TMEM108: variants seen among roughly 807,000 people sequenced by gnomAD.
The protein encoded by TMEM108 is cancer/testis antigen 124.
A neutral mutation model predicts 35.1 loss-of-function variants in TMEM108; 12 were observed. The ratio of observed to expected loss-of-function variants is 0.34; its 90% CI spans 0.22 to 0.55. The LOEUF is 0.55. Ranked by LOEUF, TMEM108 falls within the 20% of genes least tolerant of loss-of-function variation. The pLI, the probability that TMEM108 is intolerant of heterozygous loss-of-function variation, is 0.89. For synonymous variants in TMEM108, 287 were observed against 308.6 expected (o/e 0.93, Z 0.73); for missense variants, 680 against 753.3 (o/e 0.90, Z 1.14).
Position 133,279,565 on chromosome 3 carries a change from GT to G in TMEM108, c.40+50216del, listed in dbSNP as rs547420805. ...TTGCTCTACTTCGGGCCATCCCTTG[GT>G]TGGCTAAGGCAGACCCCTCAAAGGC... On this transcript the variant is annotated intron_variant, in intron 3 of 5. Transcript: ENST00000321871. 2.5e-3 allele frequency among the ~76,000 whole-genome samples: 381 copies of G among 152,274 alleles called. 1 individual carries two copies. Among genetic ancestry groups the G allele is most frequent in the African/African-American group, 8.7e-3 (361 of 41,562 alleles).
At chr3:133,273,896 C>G (rs957149236) in intron 3 of TMEM108, among the ~76,000 whole-genome samples, 18 of 152,152 alleles carry the variant, frequency 1.2e-4, no homozygotes, top group African/African-American at 4.3e-4. Context: ...ACCAAGCAGT[C>G]TTATAGGATA....
chr3:133,049,730 A>T (rs768190183), intron 2 of TMEM108, among the ~76,000 whole-genome samples: 1 of 152,102 alleles, frequency 6.6e-6, no homozygotes, highest in African/African-American at 2.4e-5. Flanking sequence ...TGGTCTCTCT[A>T]TGCCCTGACC....
Position 133,285,679 on chromosome 3 carries a change from A to C in TMEM108, c.40+56328A>C, listed in dbSNP as rs144560602. ...GCAAAAGAGCCCTATCTTAGCCCCA[A>C]ACATGAGGCCATGAGCCTAATCCCG... On this transcript the variant is annotated intron_variant, in intron 3 of 5. Transcript: ENST00000321871. Among the ~76,000 whole-genome samples, 112 of 152,224 alleles carry C rather than the reference A, an allele frequency of 7.4e-4. 2 individuals are homozygous for C. The East Asian group carries it at 0.018, about 24-fold the overall frequency.
chr3:133,207,374 C>T (rs544730119), intron 2 of TMEM108, among the ~76,000 whole-genome samples: 17 of 152,082 alleles, frequency 1.1e-4, no homozygotes, highest in African/African-American at 3.4e-4. Context: ...AGAAGTCACC[C>T]GCCTTCTGCA....
In TMEM108 at chr3:133,305,227, A is replaced by T. The variant is rs961834706; in HGVS notation, c.41-74525A>T. 1.6e-3 allele frequency among the ~76,000 whole-genome samples: 248 copies of T among 151,882 alleles called. 1 individual carries two copies. The highest frequency in any genetic ancestry group is 3.7e-4 in the Non-Finnish European group (25 of 67,948). On this transcript the variant is annotated intron_variant, in intron 3 of 5. Transcript: ENST00000321871. Reference sequence around the variant, plus strand: ...ATGTCCTTTGTAGGGACATGGATGAAATTGGAAATCATCATTCTCAGTAAA... The same window carrying T: ...ATGTCCTTTGTAGGGACATGGATGATATTGGAAATCATCATTCTCAGTAAA...
At chr3:133,082,107 A>AGTCT (rs1371659640) in intron 2 of TMEM108, among the ~76,000 whole-genome samples, 1 of 152,218 alleles carries the variant, frequency 6.6e-6, no homozygotes, top group Admixed American at 6.5e-5. Flanking sequence ...TGACCTCTGC[A>AGTCT]GTCTGCTTTG....
intron 3 of TMEM108, among the ~76,000 whole-genome samples, chr3:133,379,015 T>G (rs554747880): frequency 6.6e-6 from 1 of 152,310 alleles, no homozygotes; most frequent in East Asian, 1.9e-4. Flanking sequence ...GTTGCTCTTC[T>G]CTAGACCCCG....
At chr3:133,186,564 T>C (rs984150414) in intron 2 of TMEM108, among the ~76,000 whole-genome samples, 2 of 152,204 alleles carry the variant, frequency 1.3e-5, no homozygotes, top group African/African-American at 4.8e-5. Flanking sequence ...AGTCTATTTG[T>C]AAGTGGAAAC....
intron 1 of TMEM108, among the ~76,000 whole-genome samples, chr3:133,042,234 A>C (rs1351575850): frequency 6.6e-6 from 1 of 152,202 alleles, no homozygotes; most frequent in Non-Finnish European, 1.5e-5. Flanking sequence ...TGCTACCTCT[A>C]GGTGCAATTA....
chr3:133,139,780 C>A (rs1387084666), intron 2 of TMEM108, among the ~76,000 whole-genome samples: 5 of 152,162 alleles, frequency 3.3e-5, no homozygotes, highest in Non-Finnish European at 7.4e-5. Context: ...CTAGGCTAGC[C>A]TTGATGTTAG....
chr3:133,327,765 C>T (rs947121998), intron 3 of TMEM108, among the ~76,000 whole-genome samples: 1 of 151,804 alleles, frequency 6.6e-6, no homozygotes, highest in East Asian at 1.9e-4. Flanking sequence ...TGTGGATGGG[C>T]GGCAGGGTCA....
rs548294437 is a variant in TMEM108, at chr3:133,200,753, T to C, written c.-46-28513T>C. On this transcript the variant is annotated intron_variant, in intron 2 of 5. Transcript: ENST00000321871. ...TCTTATGTTGTTGTTTCCTCCCTAG[T>C]CCCCACATTTGTCCCAGCCTTTATT... Among the ~76,000 whole-genome samples the C allele has an allele frequency of 3.9e-5, 6 of 152,274 alleles. No homozygotes were observed. In the South Asian group the frequency reaches 1.0e-3, roughly 26 times the overall value.
At chr3:133,282,336 G>A (rs571449117) in intron 3 of TMEM108, among the ~76,000 whole-genome samples, 1 of 152,248 alleles carries the variant, frequency 6.6e-6, no homozygotes, top group South Asian at 2.1e-4. Flanking sequence ...ACTCTAAAAC[G>A]GCTTTACAAG....
chr3:133,082,740 C>T (rs1024581649), intron 2 of TMEM108, among the ~76,000 whole-genome samples: 6 of 152,126 alleles, frequency 3.9e-5, no homozygotes, highest in Admixed American at 3.9e-4. Context: ...CAGCCTCAAC[C>T]TCCTGGACTT....
At chr3:133,292,341 C>G (rs1947081963) in intron 3 of TMEM108, among the ~76,000 whole-genome samples, 1 of 152,198 alleles carries the variant, frequency 6.6e-6, no homozygotes, top group South Asian at 2.1e-4. Context: ...GGTTTCACTG[C>G]TAAGCTCCCC....
At chr3:133,387,577 C>G in intron 4 of TMEM108, 1 of 975,776 alleles carries the variant, frequency 1.0e-6, no homozygotes, top group Non-Finnish European at 1.2e-6. Flanking sequence ...GCAACCTCTA[C>G]CAGCCCAGGT....
chr3:133,081,272 T>C (rs902486702), intron 2 of TMEM108, among the ~76,000 whole-genome samples: 1 of 152,204 alleles, frequency 6.6e-6, no homozygotes. Context: ...AGGGTACCAG[T>C]ATGGTCAGAA....
intron 3 of TMEM108, among the ~76,000 whole-genome samples, chr3:133,361,249 C>T (rs1306126075): frequency 6.6e-6 from 1 of 152,178 alleles, no homozygotes; most frequent in East Asian, 1.9e-4. Flanking sequence ...TGTGGCCAAG[C>T]CAGGTAAGGT....
intron 3 of TMEM108, among the ~76,000 whole-genome samples, chr3:133,364,714 T>C (rs191276214): frequency 4.7e-4 from 71 of 152,224 alleles, no homozygotes; most frequent in Admixed American, 2.2e-3. Context: ...TGGGAAAGGA[T>C]TGACAAGAAG....
Sources: allele counts gnomAD v4.1 joint callset (sites outside exome capture counted in the v4.1 genomes callset), GRCh38; gene constraint gnomAD v4.1.1; transcripts MANE v1.5; gene names NCBI Gene and HGNC (gene_info 2026-07-23, HGNC 2026-07-21).